Variants in ING4 observed in about 807,000 individuals in gnomAD.
The protein encoded by ING4 is inhibitor of growth protein 4.
In ING4, 28 loss-of-function variants were observed where a neutral mutation model predicts 33.1. The observed-to-expected ratio is 0.85, with a 90% CI of 0.63 to 1.16. The LOEUF is 1.16. ING4 is among the 50% of genes most tolerant of loss of function. The pLI, the probability that ING4 is intolerant of heterozygous loss-of-function variation, is 0.00. For missense variants in ING4, 247 were observed against 314.7 expected (o/e 0.78, Z 1.63); for synonymous variants, 87 against 104.4 (o/e 0.83, Z 1.02).
rs758248975 is a variant in ING4, at chr12:6,653,347, G to C, written c.159C>G (p.Ala53=). Residue 53 remains alanine, a synonymous_variant, in exon 3 of 8, where the codon GCC becomes GCG. Coordinates refer to ENST00000341550, the MANE Select transcript of ING4 (RefSeq NM_016162.4). Reference sequence around the variant, plus strand: ...ATTTTTCCTCGGAGCTCAGGCTGCGGGCACTACTCATATACTCAGTGGCCA... The same window carrying C: ...ATTTTTCCTCGGAGCTCAGGCTGCGCGCACTACTCATATACTCAGTGGCCA... ...DKLATEYMSS[A]RSLSSEEKLA... 1 of 1,614,142 alleles carries C rather than the reference G, an allele frequency of 6.2e-7. No homozygotes were observed. Among genetic ancestry groups the C allele is most frequent in the South Asian group, 1.1e-5 (1 of 91,082 alleles).
rs144340616 is a variant in ING4, at chr12:6,653,348, G to A, written c.158C>T (p.Ala53Val). The change falls in exon 3 of 8, where the codon GCC becomes GTC. Residue 53 changes from alanine to valine, a missense_variant. Ala to Val is a moderately conservative substitution (Grantham distance 64, BLOSUM62 0). Transcript: ENST00000341550. Reference protein sequence around the residue: ...DKLATEYMSSARSLSSEEKLA... With the variant: ...DKLATEYMSSVRSLSSEEKLA... ...TTTTTCCTCGGAGCTCAGGCTGCGGGCACTACTCATATACTCAGTGGCCAA... is the reference window on the plus strand; with the variant it reads ...TTTTTCCTCGGAGCTCAGGCTGCGGACACTACTCATATACTCAGTGGCCAA... The A allele has an allele frequency of 2.9e-4, 464 of 1,614,144 alleles. 1 individual carries two copies. The African/African-American group carries it at 5.8e-3, about 20-fold the overall frequency.
Position 6,650,937 on chromosome 12 carries a change from A to G in ING4, c.*258T>C. On this transcript the variant is annotated 3_prime_UTR_variant, in exon 8 of 8. Transcript: ENST00000341550. ...GCACCGACCTCAGCATGGAGGCAAA[A>G]GGACAGTGGGCAAGACCACGTCCCT... The G allele has an allele frequency of 1.8e-6, 1 of 560,184 alleles. No homozygotes were observed. Among genetic ancestry groups the G allele is most frequent in the Non-Finnish European group, 3.2e-6 (1 of 310,998 alleles). The allele number at this position is 560,184 out of a possible 1,614,324, so 34.7% of individuals were successfully genotyped here. A position where few individuals can be genotyped will look rare whatever the true frequency, so the allele number is the denominator to read the frequency against.
Position 6,658,402 on chromosome 12 carries a change from C to T in ING4, c.38-1604G>A, listed in dbSNP as rs186978620. Among the ~76,000 whole-genome samples, 6 of 152,074 alleles carry T rather than the reference C, an allele frequency of 3.9e-5. No homozygotes were observed. In the East Asian group the frequency reaches 1.2e-3, roughly 30 times the overall value. ...AATGTCCTTTTTAAAAAATGCAAACCTGGCCAGGCACGGTGGCTCATGCCT... is the reference window on the plus strand; with the variant it reads ...AATGTCCTTTTTAAAAAATGCAAACTTGGCCAGGCACGGTGGCTCATGCCT... On this transcript the variant is annotated intron_variant, in intron 1 of 7. Coordinates refer to ENST00000341550, the MANE Select transcript of ING4 (RefSeq NM_016162.4).
chr12:6,654,835 G>A (rs910393819), intron 2 of ING4, among the ~76,000 whole-genome samples: 15 of 150,432 alleles, frequency 1.0e-4, no homozygotes, highest in South Asian at 4.2e-4. Context: ...AGGGATTCTC[G>A]TGCCTCAGTC....
chr12:6,656,352 T>C (rs962614914), intron 2 of ING4: 1 of 238,730 alleles, frequency 4.2e-6, no homozygotes, highest in Admixed American at 5.9e-5. Flanking sequence ...GTTTTTGTAT[T>C]TTTAGTAGAG....
chr12:6,662,343 T>C (rs765926378), intron 1 of ING4, among the ~76,000 whole-genome samples: 9 of 152,174 alleles, frequency 5.9e-5, no homozygotes, highest in Non-Finnish European at 1.3e-4. Context: ...TTTATAATTA[T>C]TTGCAGAATC....
At chr12:6,656,380 G>A (rs995391867) in intron 2 of ING4, 2 of 246,056 alleles carry the variant, frequency 8.1e-6, no homozygotes, top group Non-Finnish European at 1.6e-5. Flanking sequence ...TTCACCATGT[G>A]GCCAGGCTGA....
chr12:6,652,284 C>G lies in ING4; in HGVS notation c.632G>C (p.Cys211Ser). ...AATGTTTCTCACATCAGGGTTGTCA[C>G]AGCCAATCATCTCTCCATAGGAGAC... The part of the protein sequence containing the change: ...HQVSYGEMIG[C>S]DNPDCSIEWF... Residue 211 changes from cysteine (C) to serine (S), a missense_variant, in exon 6 of 8, where the codon TGT (cysteine) becomes TCT (serine). Around this residue, in one of 3 missense-constraint regions of ING4, gnomAD observed 38 missense variants for 49.7 expected, o/e 0.77. Transcript: ENST00000341550. 6.2e-7 allele frequency: 1 copy of G among 1,613,982 alleles called. No homozygotes were observed.
Position 6,653,230 on chromosome 12 carries a change from C to T in ING4, c.276G>A (p.Met92Ile). ...TGGGGAGCCATGAACAGGGCCATACCATCTCATAGGTCTGCATGGCAAGCT... is the reference window on the plus strand; with the variant it reads ...TGGGGAGCCATGAACAGGGCCATACTATCTCATAGGTCTGCATGGCAAGCT... Reference protein sequence around the residue: ...KVQLAMQTYEMVDKHIRRLDT... With the variant: ...KVQLAMQTYEIVDKHIRRLDT... Residue 92 changes from methionine (M) to isoleucine (I), a missense_variant and splice_region_variant, in exon 3 of 8, where the codon ATG becomes ATA. This residue lies in a region of ING4 where 198 missense variants were observed against 221.2 expected (regional missense o/e 0.89). Coordinates refer to ENST00000341550, the MANE Select transcript of ING4 (RefSeq NM_016162.4). The T allele has an allele frequency of 6.2e-7, 1 of 1,613,876 alleles. No individual in the cohort carries two copies. The highest frequency in any genetic ancestry group is 8.5e-7 in the Non-Finnish European group (1 of 1,179,914).
In ING4 at chr12:6,650,835, G is replaced by A; in HGVS notation, c.*360C>T. 1 of 317,400 alleles carries A rather than the reference G, an allele frequency of 3.2e-6. No homozygotes were observed. Among genetic ancestry groups the A allele is most frequent in the East Asian group, 6.4e-5 (1 of 15,596 alleles). The allele number at this position is 317,400 out of a possible 1,614,324, so 19.7% of individuals were successfully genotyped here. A position where few individuals can be genotyped will look rare whatever the true frequency, so the allele number is the denominator to read the frequency against. On this transcript the variant is annotated 3_prime_UTR_variant, in exon 8 of 8. Coordinates refer to ENST00000341550, the MANE Select transcript of ING4 (RefSeq NM_016162.4). ...CAGGAGGGGGAATGAAGAGGTCTGG[G>A]GGACTGCCCCCATGCTATGCCCCAG...
At chr12:6,652,594 C>T in intron 5 of ING4, 68 bp downstream of exon 5, 1 of 1,470,372 alleles carries the variant, frequency 6.8e-7, no homozygotes, top group Non-Finnish European at 9.5e-7. Flanking sequence ...GGGGGCGGTG[C>T]AGGCTGGGAG....
At chr12:6,658,418 G>C (rs1949440929) in intron 1 of ING4, among the ~76,000 whole-genome samples, 1 of 151,836 alleles carries the variant, frequency 6.6e-6, no homozygotes, top group Non-Finnish European at 1.5e-5. Context: ...AGGCACGGTG[G>C]CTCATGCCTG....
rs1949251464 is a variant in ING4, at chr12:6,653,490, T to A, written c.110-94A>T. The A allele has an allele frequency of 3.3e-6, 4 of 1,219,666 alleles. No individual in the cohort carries two copies. The South Asian group carries it at 6.1e-5, about 19-fold the overall frequency. 75.6% of individuals were successfully genotyped at this position (1,219,666 alleles called of 1,614,324 possible). A position where few individuals can be genotyped will look rare whatever the true frequency, so the allele number is the denominator to read the frequency against. ...TGTTCTTTGGACCTTTTCCATTGAT[T>A]AGCATAACCTTCCAACTAAAAAGTA... On this transcript the variant is annotated intron_variant, in intron 2 of 7. Transcript: ENST00000341550.
At chr12:6,654,283 C>T (rs1156414709) in intron 2 of ING4, among the ~76,000 whole-genome samples, 1 of 151,934 alleles carries the variant, frequency 6.6e-6, no homozygotes, top group Non-Finnish European at 1.5e-5. Context: ...GACCTTACTC[C>T]AACATCCATG....
intron 1 of ING4, among the ~76,000 whole-genome samples, chr12:6,658,415 G>A (rs1298703608): frequency 1.3e-5 from 2 of 152,134 alleles, no homozygotes; most frequent in Non-Finnish European, 2.9e-5. Flanking sequence ...GCCAGGCACG[G>A]TGGCTCATGC....
intron 6 of ING4, among the ~76,000 whole-genome samples, chr12:6,651,907 T>C (rs1436617881): frequency 6.8e-6 from 1 of 146,158 alleles, no homozygotes; most frequent in East Asian, 2.0e-4. Flanking sequence ...GGTTAGAGTG[T>C]GGTGGCGTGA....
At chr12:6,655,608 G>C in intron 2 of ING4, 1 of 1,129,748 alleles carries the variant, frequency 8.9e-7, no homozygotes, top group Non-Finnish European at 1.1e-6. Context: ...AGTTACAACT[G>C]TATTACAAAA....
At chr12:6,659,909 G>C (rs1024581272) in intron 1 of ING4, among the ~76,000 whole-genome samples, 5 of 151,858 alleles carry the variant, frequency 3.3e-5, no homozygotes, top group African/African-American at 1.2e-4. Flanking sequence ...AACCAGGGAG[G>C]TAGAGGTTGC....
chr12:6,650,451 G>A lies in ING4; in HGVS notation c.*744C>T, dbSNP rs886848251. The A allele has an allele frequency of 6.6e-6, 1 of 152,526 alleles. No homozygotes were observed. Among genetic ancestry groups the A allele is most frequent in the Non-Finnish European group, 1.5e-5 (1 of 68,040 alleles). The allele number at this position is 152,526 out of a possible 1,614,324, so 9.4% of individuals were successfully genotyped here. On this transcript the variant is annotated 3_prime_UTR_variant, in exon 8 of 8. Coordinates refer to ENST00000341550, the MANE Select transcript of ING4 (RefSeq NM_016162.4). ...CCAAGTTGAGAACTTACAAGTTCTCGGACAGAGGCACCACTCTGGTTTCAT... is the reference window on the plus strand; with the variant it reads ...CCAAGTTGAGAACTTACAAGTTCTCAGACAGAGGCACCACTCTGGTTTCAT...
Sources: allele counts gnomAD v4.1 joint callset (sites outside exome capture counted in the v4.1 genomes callset), GRCh38; gene constraint gnomAD v4.1.1; regional missense constraint gnomAD v4.1.1; transcripts MANE v1.5; gene names NCBI Gene and HGNC (gene_info 2026-07-23, HGNC 2026-07-21).